Variants in LY75 observed in about 807,000 individuals in gnomAD.
LY75 encodes C-type lectin domain family 13 member B.
Under a neutral mutation model 231.7 loss-of-function variants are expected in LY75, and 185 were observed. The ratio of observed to expected loss-of-function variants is 0.80; its 90% CI spans 0.71 to 0.90. LY75 has a LOEUF of 0.90. LY75 is among the 40% of genes least tolerant of loss of function. The probability of loss-of-function intolerance (pLI) is 0.00; values close to 1 mark genes in which losing one functional copy is unlikely to be tolerated. For synonymous variants in LY75, 668 were observed against 689.0 expected, an observed-to-expected ratio of 0.97 and a Z score of 0.48; for missense variants, 1,947 against 2,050.2, an observed-to-expected ratio of 0.95 and a Z score of 0.97.
chr2:159,856,614 C>A (rs1684555817), intron 16 of LY75, among the ~76,000 whole-genome samples: 1 of 151,978 alleles, frequency 6.6e-6, no homozygotes, highest in African/African-American at 2.4e-5. Flanking sequence ...ACATTTAAAC[C>A]CTGGAGCAAG....
chr2:159,846,874 TG>T (rs1195368097), intron 23 of LY75, among the ~76,000 whole-genome samples: 1 of 152,126 alleles, frequency 6.6e-6, no homozygotes, highest in Non-Finnish European at 1.5e-5. Context: ...GAACTACGAA[TG>T]ATTATTTAAC....
At position 159,850,388 on chromosome 2, in the gene LY75, G is replaced by C. The variant is rs144712620; in HGVS notation, c.2963C>G (p.Pro988Arg). 2.5e-5 allele frequency: 40 copies of C among 1,613,552 alleles called. No individual in the cohort carries two copies. The highest frequency in any genetic ancestry group is 3.0e-5 in the Non-Finnish European group (35 of 1,179,700). The change falls in exon 22 of 35, where the codon CCT becomes CGT. Residue 988 changes from proline to arginine, a missense_variant. By Grantham distance (103) the Pro-to-Arg change is moderately radical. Coordinates refer to ENST00000263636, the MANE Select transcript of LY75 (RefSeq NM_002349.4). ...TTGTTCAATCTGGCTCAACACTGAA[G>C]GAAGGGTGCCACCATAGGAGTGACA... ...DTCHSYGGTL[P>R]SVLSQIEQDF...
At chr2:159,829,769 G>T (rs1574536817) in intron 28 of LY75, among the ~76,000 whole-genome samples, 1 of 152,134 alleles carries the variant, frequency 6.6e-6, no homozygotes, top group South Asian at 2.1e-4. Context: ...TCCCTCATAT[G>T]CCTGTATATT....
At chr2:159,866,633 A>G (rs556255606) in intron 13 of LY75, among the ~76,000 whole-genome samples, 1 of 152,280 alleles carries the variant, frequency 6.6e-6, no homozygotes, top group South Asian at 2.1e-4. Flanking sequence ...TGGATTTCTA[A>G]ACCACAGGGT....
Position 159,873,633 on chromosome 2 carries a change from C to T in LY75, c.1975-1040G>A, listed in dbSNP as rs962705857. ...GCTAAATGTTTGTTGTCATAGCCAC[C>T]GAATTTTGGGATGGCATCTAGTGGT... On this transcript the variant is annotated intron_variant, in intron 12 of 34. Coordinates refer to ENST00000263636, the MANE Select transcript of LY75 (RefSeq NM_002349.4). 4.6e-5 allele frequency among the ~76,000 whole-genome samples: 7 copies of T among 151,618 alleles called. 1 individual carries two copies. Among genetic ancestry groups the T allele is most frequent in the South Asian group, 2.1e-4 (1 of 4,816 alleles).
intron 15 of LY75, 110 bp from the exon 16 acceptor site, chr2:159,858,586 A>G: frequency 1.6e-6 from 2 of 1,226,958 alleles, no homozygotes; most frequent in South Asian, 1.8e-5. Flanking sequence ...AGCACCTAAG[A>G]TATTTGTTCG....
At chr2:159,810,405 T>C in intron 32 of LY75, 121 bp downstream of exon 32, 6 of 1,343,830 alleles carry the variant, frequency 4.5e-6, no homozygotes, top group Non-Finnish European at 6.0e-6. Flanking sequence ...TATAGCGCTA[T>C]TAGAAATGGA....
chr2:159,837,553 G>T (rs1683871730), intron 25 of LY75, among the ~76,000 whole-genome samples: 1 of 152,134 alleles, frequency 6.6e-6, no homozygotes, highest in Non-Finnish European at 1.5e-5. Context: ...TTCACTATTT[G>T]GGTGACAGGT....
chr2:159,854,770 C>A, intron 17 of LY75, 134 bp downstream of exon 17: 1 of 1,353,774 alleles, frequency 7.4e-7, no homozygotes, highest in Admixed American at 2.2e-5. Flanking sequence ...ACCAGTCGCT[C>A]ACCTTCCTTG....
At chr2:159,896,430 C>T (rs1269515841) in intron 2 of LY75, among the ~76,000 whole-genome samples, 1 of 152,030 alleles carries the variant, frequency 6.6e-6, no homozygotes, top group Non-Finnish European at 1.5e-5. Flanking sequence ...ACTGCTAAAG[C>T]CAAGGGGGAA....
intron 23 of LY75, among the ~76,000 whole-genome samples, chr2:159,843,286 G>A (rs1324769865): frequency 6.6e-6 from 1 of 152,008 alleles, no homozygotes; most frequent in African/African-American, 2.4e-5. Context: ...TTGTAAAAAT[G>A]TAAATAATGC....
Position 159,860,904 on chromosome 2 carries a change from G to C in LY75, c.2200-15C>G. The C allele has an allele frequency of 6.2e-7, 1 of 1,613,742 alleles. No homozygotes were observed. Among genetic ancestry groups the C allele is most frequent in the South Asian group, 1.1e-5 (1 of 91,050 alleles). On this transcript the variant is annotated splice_polypyrimidine_tract_variant and intron_variant, in intron 14 of 34. Transcript: ENST00000263636. ...ATAGTAGACACCTGAAAAGACAAGA[G>C]AGGCTTGAGAATTTAAGACTGATGT...
intron 23 of LY75, among the ~76,000 whole-genome samples, chr2:159,843,166 C>T (rs910830997): frequency 6.6e-6 from 1 of 151,364 alleles, no homozygotes; most frequent in African/African-American, 2.4e-5. Context: ...AACAGAACCC[C>T]ACGAAAAATG....
At chr2:159,811,491 A>C (rs1682959320) in intron 31 of LY75, among the ~76,000 whole-genome samples, 1 of 152,240 alleles carries the variant, frequency 6.6e-6, no homozygotes, top group Non-Finnish European at 1.5e-5. Flanking sequence ...ATGTCGTATT[A>C]GTGCGGTACA....
At chr2:159,815,069 C>G (rs1478501910) in intron 31 of LY75, among the ~76,000 whole-genome samples, 2 of 145,554 alleles carry the variant, frequency 1.4e-5, no homozygotes, top group Non-Finnish European at 3.0e-5. Flanking sequence ...GGCGCAATCT[C>G]GGCTCACTGC....
At chr2:159,840,606 A>G in intron 25 of LY75, 123 bp downstream of exon 25, 2 of 1,423,460 alleles carry the variant, frequency 1.4e-6, no homozygotes, top group Non-Finnish European at 1.9e-6. Context: ...ATATTCCATG[A>G]AATTTACTGG....
intron 7 of LY75, among the ~76,000 whole-genome samples, chr2:159,881,855 G>A (rs912226552): frequency 2.0e-5 from 3 of 152,066 alleles, no homozygotes; most frequent in Non-Finnish European, 4.4e-5. Context: ...AGGCACATGC[G>A]GCCACTTAAA....
intron 16 of LY75, among the ~76,000 whole-genome samples, chr2:159,857,913 G>T (rs1400956668): frequency 6.6e-6 from 1 of 152,046 alleles, no homozygotes; most frequent in African/African-American, 2.4e-5. Context: ...TTTATATAAA[G>T]TATTAGCAGT....
intron 18 of LY75, 29 bp downstream of exon 18, chr2:159,854,331 T>A: frequency 7.8e-7 from 1 of 1,276,328 alleles, no homozygotes; most frequent in East Asian, 3.1e-5. Context: ...AAATAAGAAA[T>A]ATATTTAAAA....
Sources: allele counts gnomAD v4.1 joint callset (sites outside exome capture counted in the v4.1 genomes callset), GRCh38; gene constraint gnomAD v4.1.1; transcripts MANE v1.5; gene names NCBI Gene and HGNC (gene_info 2026-07-23, HGNC 2026-07-21).